Variants in TRIM24 observed in about 807,000 individuals in gnomAD.
The protein encoded by TRIM24 is tripartite motif containing 24.
In TRIM24, 29 loss-of-function variants were observed where a neutral mutation model predicts 123.9. That is an observed-to-expected ratio of 0.23 (90% CI 0.17 to 0.32). The LOEUF is 0.32. Ranked by LOEUF, TRIM24 falls within the 10% of genes least tolerant of loss-of-function variation. TRIM24 has a pLI of 1.00. For synonymous variants in TRIM24, 456 were observed against 461.1 expected, an observed-to-expected ratio of 0.99 and a Z score of 0.14; for missense variants, 932 against 1,295.3, an observed-to-expected ratio of 0.72 and a Z score of 4.31.
At chr7:138,540,576 C>T (rs1452016701) in intron 7 of TRIM24, among the ~76,000 whole-genome samples, 1 of 152,178 alleles carries the variant, frequency 6.6e-6, no homozygotes, top group African/African-American at 2.4e-5. Context: ...ACTTATTATT[C>T]CAGTTCTCTT....
intron 6 of TRIM24, 117 bp from the exon 7 acceptor site, chr7:138,538,539 GT>G: frequency 8.7e-7 from 1 of 1,149,386 alleles, no homozygotes; most frequent in Non-Finnish European, 1.2e-6. Flanking sequence ...AGTATTTTTA[GT>G]TTCAGTAAAT....
intron 1 of TRIM24, among the ~76,000 whole-genome samples, chr7:138,496,682 G>A (rs2116510500): frequency 6.6e-6 from 1 of 151,448 alleles, no homozygotes; most frequent in South Asian, 2.1e-4. Flanking sequence ...ATTTTCTTTA[G>A]TAGAGATGAG....
intron 6 of TRIM24, among the ~76,000 whole-genome samples, chr7:138,533,026 G>T (rs1268031945): frequency 2.0e-5 from 3 of 152,130 alleles, no homozygotes; most frequent in Non-Finnish European, 4.4e-5. Context: ...TCTGTTATTG[G>T]TGTATAAGAA....
chr7:138,566,022 C>T (rs759767036), intron 9 of TRIM24, among the ~76,000 whole-genome samples: 2 of 152,172 alleles, frequency 1.3e-5, no homozygotes, highest in African/African-American at 2.4e-5. Flanking sequence ...TCTGGAGCTC[C>T]TTCCTTTGGG....
Position 138,460,833 on chromosome 7 carries a change from G to A in TRIM24, c.285G>A (p.Met95Ile). The A allele has an allele frequency of 1.9e-6, 3 of 1,573,448 alleles. No individual in the cohort carries two copies. The highest frequency in any genetic ancestry group is 1.7e-6 in the Non-Finnish European group (2 of 1,166,382). The change falls in exon 1 of 19, where the codon ATG becomes ATA. Residue 95 changes from methionine to isoleucine, a missense_variant. Physicochemically the swap from Met to Ile is conservative, Grantham distance 10. Coordinates refer to ENST00000343526, the MANE Select transcript of TRIM24 (RefSeq NM_015905.3). ...GCTACCTCATGCTGCCCGCGCCCATGCTGGGCTCGGCCGAGACCCCGCCAC... is the reference window on the plus strand; with the variant it reads ...GCTACCTCATGCTGCCCGCGCCCATACTGGGCTCGGCCGAGACCCCGCCAC... The part of the protein sequence containing the change: ...PQRYLMLPAP[M>I]LGSAETPPPV...
intron 7 of TRIM24, among the ~76,000 whole-genome samples, chr7:138,542,915 T>C (rs1797031997): frequency 6.6e-6 from 1 of 152,234 alleles, no homozygotes; most frequent in African/African-American, 2.4e-5. Flanking sequence ...AGTCTTATTT[T>C]TTCATTAGTT....
chr7:138,487,371 C>T (rs997834041), intron 1 of TRIM24, among the ~76,000 whole-genome samples: 1 of 152,158 alleles, frequency 6.6e-6, no homozygotes, highest in East Asian at 1.9e-4. Context: ...ACTTCCAACA[C>T]TATGTTGAAC....
intron 9 of TRIM24, among the ~76,000 whole-genome samples, chr7:138,562,202 G>A (rs566662725): frequency 1.5e-4 from 23 of 152,242 alleles, no homozygotes; most frequent in East Asian, 5.8e-4. Flanking sequence ...GTCATTTGGC[G>A]GGGTGTAGGC....
intron 2 of TRIM24, among the ~76,000 whole-genome samples, chr7:138,513,127 T>C (rs1796325003): frequency 6.6e-6 from 1 of 152,114 alleles, no homozygotes; most frequent in South Asian, 2.1e-4. Context: ...GTTGCTCCAT[T>C]TCCCAATAAG....
intron 5 of TRIM24, among the ~76,000 whole-genome samples, chr7:138,528,400 A>G (rs1796657286): frequency 6.6e-6 from 1 of 152,212 alleles, no homozygotes; most frequent in African/African-American, 2.4e-5. Context: ...AGCTTCTTAG[A>G]TAATATTATC....
At chr7:138,584,688 C>A in intron 18 of TRIM24, 54 bp from the exon 19 acceptor site, 1 of 1,374,336 alleles carries the variant, frequency 7.3e-7, no homozygotes, top group Non-Finnish European at 9.9e-7. Context: ...TATATATAAT[C>A]TCAGAAGTCA....
In TRIM24 at chr7:138,529,205, G is replaced by C. The variant is rs1183040345; in HGVS notation, c.971G>C (p.Gly324Ala). ...FTLMVEINKKGKALLHQLESL... is the reference protein window; with the variant it reads ...FTLMVEINKKAKALLHQLESL... ...CTGATGGTAGAAATAAATAAAAAAG[G>C]AAAAGCTCTACTGCATCAGTTAGAG... The change falls in exon 6 of 19, where the codon GGA (glycine) becomes GCA (alanine). Residue 324 changes from glycine (G) to alanine (A), a missense_variant. By Grantham distance (60) the Gly-to-Ala change is moderately conservative. This residue lies in a region of TRIM24 where 527 missense variants were observed against 691.3 expected (regional missense o/e 0.76). Coordinates refer to ENST00000343526, the MANE Select transcript of TRIM24 (RefSeq NM_015905.3). The C allele has an allele frequency of 6.4e-7, 1 of 1,565,958 alleles. No individual in the cohort carries two copies. Among genetic ancestry groups the C allele is most frequent in the South Asian group, 1.2e-5 (1 of 83,058 alleles).
At chr7:138,529,340 A>T (rs893657482) in intron 6 of TRIM24, 110 bp downstream of exon 6, 13 of 570,702 alleles carry the variant, frequency 2.3e-5, no homozygotes, top group Admixed American at 4.2e-5. Flanking sequence ...GTGATTTAAT[A>T]TTTTTTTTTC....
chr7:138,575,522 T>C (rs1443248432), intron 12 of TRIM24, among the ~76,000 whole-genome samples: 2 of 151,078 alleles, frequency 1.3e-5, no homozygotes, highest in East Asian at 3.9e-4. Context: ...TATTTTTAAA[T>C]TAAATTCTCC....
chr7:138,565,867 T>A (rs561529553), intron 9 of TRIM24, among the ~76,000 whole-genome samples: 1 of 152,354 alleles, frequency 6.6e-6, no homozygotes, highest in Admixed American at 6.5e-5. Flanking sequence ...TCATAATCCT[T>A]AGCATAGCTT....
intron 2 of TRIM24, among the ~76,000 whole-genome samples, chr7:138,511,674 T>C (rs1796291660): frequency 6.6e-6 from 1 of 152,070 alleles, no homozygotes. Flanking sequence ...ACCCCCATGA[T>C]CCAGTCACCT....
intron 2 of TRIM24, among the ~76,000 whole-genome samples, chr7:138,504,750 G>A (rs760733502): frequency 2.0e-5 from 3 of 150,418 alleles, no homozygotes; most frequent in South Asian, 4.2e-4. Context: ...GTGAGCCACC[G>A]CACCTGGCCT....
chr7:138,479,437 A>G (rs1210230655), intron 1 of TRIM24, among the ~76,000 whole-genome samples: 2 of 151,558 alleles, frequency 1.3e-5, no homozygotes, highest in Non-Finnish European at 1.5e-5. Context: ...TAGTGGTGCA[A>G]TCAGGGATCA....
intron 9 of TRIM24, among the ~76,000 whole-genome samples, chr7:138,560,240 C>A (rs1797398583): frequency 6.6e-6 from 1 of 152,168 alleles, no homozygotes; most frequent in Non-Finnish European, 1.5e-5. Flanking sequence ...TGTGTAACTT[C>A]CATTTTATTT....
Sources: allele counts gnomAD v4.1 joint callset (sites outside exome capture counted in the v4.1 genomes callset), GRCh38; gene constraint gnomAD v4.1.1; regional missense constraint gnomAD v4.1.1; transcripts MANE v1.5; gene names NCBI Gene and HGNC (gene_info 2026-07-23, HGNC 2026-07-21).